The following TSPAN2 variants were observed in gnomAD, a reference collection of about 807,000 sequenced individuals.
The protein encoded by TSPAN2 is tetraspanin-2.
A neutral mutation model predicts 33.3 loss-of-function variants in TSPAN2; 24 were observed. That is an observed-to-expected ratio of 0.72 (90% CI 0.52 to 1.01). The LOEUF (loss-of-function observed/expected upper bound fraction) is 1.01. Ranked by LOEUF, TSPAN2 falls within the 50% of genes least tolerant of loss-of-function variation. TSPAN2 has a pLI of 0.00. For missense variants in TSPAN2, 278 were observed against 281.3 expected (o/e 0.99, Z 0.08); for synonymous variants, 114 against 104.5 (o/e 1.09, Z -0.56).
At chr1:115,052,950 T>C (rs950594856) in intron 7 of TSPAN2, among the ~76,000 whole-genome samples, 5 of 152,194 alleles carry the variant, frequency 3.3e-5, no homozygotes, top group African/African-American at 9.7e-5. Context: ...TGGTGGAGCC[T>C]AGAGTTAAAT....
intron 6 of TSPAN2, among the ~76,000 whole-genome samples, chr1:115,054,962 G>C (rs1225349229): frequency 2.0e-5 from 3 of 152,106 alleles, no homozygotes; most frequent in Non-Finnish European, 4.4e-5. Flanking sequence ...ACTCCAGCCT[G>C]GGCAACAGAG....
intron 2 of TSPAN2, among the ~76,000 whole-genome samples, chr1:115,071,750 G>A (rs1053781293): frequency 1.3e-5 from 2 of 152,180 alleles, no homozygotes; most frequent in Non-Finnish European, 2.9e-5. Context: ...TAGGTTTTCT[G>A]CTACTCTCCT....
At chr1:115,086,966 G>A (rs1026673180) in intron 1 of TSPAN2, among the ~76,000 whole-genome samples, 10 of 152,026 alleles carry the variant, frequency 6.6e-5, no homozygotes, top group African/African-American at 1.9e-4. Flanking sequence ...TGCCCAGGCT[G>A]GAGTGCAATG....
intron 5 of TSPAN2, 87 bp from the exon 6 acceptor site, chr1:115,057,695 A>T: frequency 2.3e-6 from 3 of 1,301,124 alleles, no homozygotes. Flanking sequence ...TGGGGTGCCG[A>T]GGCGGCAAAG....
intron 6 of TSPAN2, among the ~76,000 whole-genome samples, chr1:115,055,419 C>A (rs1159514620): frequency 5.9e-5 from 9 of 151,732 alleles, no homozygotes; most frequent in African/African-American, 1.9e-4. Flanking sequence ...CACACCTACA[C>A]CCTTAGGTCA....
chr1:115,078,010 G>A (rs551048486), intron 1 of TSPAN2, among the ~76,000 whole-genome samples: 17 of 152,194 alleles, frequency 1.1e-4, no homozygotes, highest in Admixed American at 3.9e-4. Context: ...GCATCATTTA[G>A]GGAAGTTCTA....
At chr1:115,053,918 A>G (rs1453017295) in intron 6 of TSPAN2, among the ~76,000 whole-genome samples, 4 of 152,246 alleles carry the variant, frequency 2.6e-5, no homozygotes, top group Non-Finnish European at 5.9e-5. Context: ...AAGAAACTAA[A>G]AAGTCTTAAC....
intron 2 of TSPAN2, among the ~76,000 whole-genome samples, chr1:115,067,318 T>C (rs1024120064): frequency 6.6e-6 from 1 of 152,236 alleles, no homozygotes; most frequent in Admixed American, 6.5e-5. Flanking sequence ...ATGTCTAGAA[T>C]TGATGATTCC....
At chr1:115,080,667 T>C (rs1197514944) in intron 1 of TSPAN2, among the ~76,000 whole-genome samples, 2 of 152,170 alleles carry the variant, frequency 1.3e-5, no homozygotes, top group Non-Finnish European at 2.9e-5. Context: ...CAAATGAAGA[T>C]CAAATATGTA....
intron 2 of TSPAN2, among the ~76,000 whole-genome samples, chr1:115,064,840 G>C (rs1308112745): frequency 6.6e-6 from 1 of 152,212 alleles, no homozygotes; most frequent in Non-Finnish European, 1.5e-5. Context: ...GTGAAAGAGG[G>C]AGGCTCGTGA....
intron 2 of TSPAN2, among the ~76,000 whole-genome samples, chr1:115,071,976 T>C (rs1648194031): frequency 6.6e-6 from 1 of 152,188 alleles, no homozygotes; most frequent in Non-Finnish European, 1.5e-5. Context: ...CTCCCTGCCA[T>C]AGAGGTCACC....
chr1:115,059,176 G>A (rs900598065), intron 4 of TSPAN2, among the ~76,000 whole-genome samples, 195 bp from the exon 5 acceptor site: 1 of 152,162 alleles, frequency 6.6e-6, no homozygotes, highest in Admixed American at 6.5e-5. Flanking sequence ...ATTGGGTACA[G>A]TGTACACTGC....
intron 1 of TSPAN2, among the ~76,000 whole-genome samples, chr1:115,079,137 CCACACACACA>C (rs202132434): frequency 7.4e-4 from 109 of 146,772 alleles, no homozygotes; most frequent in East Asian, 6.8e-3. Flanking sequence ...AATTATAGCG[CCACACACACA>C]CACACACACA....
intron 7 of TSPAN2, among the ~76,000 whole-genome samples, 188 bp downstream of exon 7, chr1:115,053,191 A>G (rs1233936733): frequency 1.3e-5 from 2 of 152,252 alleles, no homozygotes; most frequent in East Asian, 3.8e-4. Context: ...TTTCTATTAT[A>G]TTTTAGAGGA....
chr1:115,059,080 C>T, intron 4 of TSPAN2, 99 bp from the exon 5 acceptor site: 1 of 894,894 alleles, frequency 1.1e-6, no homozygotes, highest in Non-Finnish European at 1.8e-6. Context: ...CTTTGAAAAA[C>T]ACTGCCTTTC....
intron 7 of TSPAN2, 139 bp from the exon 8 acceptor site, chr1:115,050,694 ATGTT>A: frequency 5.8e-6 from 4 of 692,280 alleles, no homozygotes; most frequent in Non-Finnish European, 7.7e-6. Context: ...ACATTTTAGT[ATGTT>A]ACTTAAGGTT....
At chr1:115,050,826 A>T (rs1342018753) in intron 7 of TSPAN2, among the ~76,000 whole-genome samples, 1 of 152,232 alleles carries the variant, frequency 6.6e-6, no homozygotes, top group Admixed American at 6.5e-5. Flanking sequence ...AACCGTTCTG[A>T]ATACCTGTGA....
intron 2 of TSPAN2, among the ~76,000 whole-genome samples, chr1:115,070,397 G>T (rs899248572): frequency 1.4e-5 from 2 of 144,696 alleles, no homozygotes; most frequent in Non-Finnish European, 1.5e-5. Flanking sequence ...TTCTGTCCTG[G>T]GATTCCCCTT....
rs77236143 is a variant in TSPAN2, at chr1:115,073,398, C to T, written c.70-391G>A. 2.2e-3 allele frequency among the ~76,000 whole-genome samples: 331 copies of T among 152,314 alleles called. 1 individual carries two copies. Among genetic ancestry groups the T allele is most frequent in the African/African-American group, 7.7e-3 (320 of 41,572 alleles). On this transcript the variant is annotated intron_variant, in intron 1 of 7. Coordinates refer to ENST00000369516, the MANE Select transcript of TSPAN2 (RefSeq NM_005725.6). ...GGCATGTTGGATCTCTTCACCCACA[C>T]CACAACGAGAGGTGACTATGTCTCA...
Sources: allele counts gnomAD v4.1 joint callset (sites outside exome capture counted in the v4.1 genomes callset), GRCh38; gene constraint gnomAD v4.1.1; transcripts MANE v1.5; gene names NCBI Gene and HGNC (gene_info 2026-07-23, HGNC 2026-07-21).